Variants in MPP7 observed in about 807,000 individuals in gnomAD.
MPP7 encodes the protein MAGUK p55 scaffold protein 7.
MPP7 carries 60 observed loss-of-function variants against 76.5 expected under a neutral mutation model. That is an observed-to-expected ratio of 0.78 (90% CI 0.64 to 0.97). MPP7 has a LOEUF of 0.97. MPP7 is among the 50% of genes least tolerant of loss of function. MPP7 has a pLI of 0.00. For synonymous variants in MPP7, 237 were observed against 244.5 expected (o/e 0.97, Z 0.29); for missense variants, 641 against 694.0 (o/e 0.92, Z 0.86).
chr10:28,139,822 T>C (rs1224770687), intron 5 of MPP7, among the ~76,000 whole-genome samples: 1 of 152,204 alleles, frequency 6.6e-6, no homozygotes, highest in Non-Finnish European at 1.5e-5. Flanking sequence ...GGACCATATA[T>C]AAATTTTTTA....
intron 11 of MPP7, among the ~76,000 whole-genome samples, chr10:28,096,828 T>C (rs1043212608): frequency 6.6e-6 from 1 of 152,122 alleles, no homozygotes; most frequent in African/African-American, 2.4e-5. Flanking sequence ...GCTGTAACTT[T>C]ATATTTTTCT....
intron 5 of MPP7, among the ~76,000 whole-genome samples, chr10:28,137,419 ACTAT>A (rs1835383847): frequency 6.6e-6 from 1 of 152,228 alleles, no homozygotes; most frequent in Non-Finnish European, 1.5e-5. Context: ...GGGAATATCT[ACTAT>A]CTGTGTATCT....
At chr10:28,262,210 T>C (rs1035172779) in intron 1 of MPP7, among the ~76,000 whole-genome samples, 832 of 8,168 alleles carry the variant, frequency 0.1, 61 homozygotes, top group Non-Finnish European at 0.26. Flanking sequence ...TATATATACA[T>C]ATATATATAT....
chr10:28,159,612 C>A (rs1836189550), intron 3 of MPP7, among the ~76,000 whole-genome samples: 1 of 152,172 alleles, frequency 6.6e-6, no homozygotes, highest in South Asian at 2.1e-4. Flanking sequence ...TCATGCCTCC[C>A]ACAGACTTGC....
chr10:28,314,288 GAAT>G (rs1841306869), intron 2 of MPP7, among the ~76,000 whole-genome samples: 1 of 152,180 alleles, frequency 6.6e-6, no homozygotes, highest in Non-Finnish European at 1.5e-5. Context: ...AGAGTTCACA[GAAT>G]TCTGATTTGT....
At chr10:28,071,374 A>C (rs1852231748) in intron 12 of MPP7, among the ~76,000 whole-genome samples, 1 of 152,142 alleles carries the variant, frequency 6.6e-6, no homozygotes, top group Non-Finnish European at 1.5e-5. Context: ...CTCTAATGCC[A>C]TTTCTAGGTC....
At chr10:28,137,820 A>T (rs1258277672) in intron 5 of MPP7, among the ~76,000 whole-genome samples, 1 of 152,208 alleles carries the variant, frequency 6.6e-6, no homozygotes, top group Non-Finnish European at 1.5e-5. Context: ...GCTCAGAAGA[A>T]TCTGCAGGAA....
At chr10:28,101,132 A>G (rs1305073720) in intron 11 of MPP7, among the ~76,000 whole-genome samples, 1 of 152,158 alleles carries the variant, frequency 6.6e-6, no homozygotes, top group African/African-American at 2.4e-5. Flanking sequence ...TCTGTCAGAA[A>G]AAAATATTTC....
chr10:28,301,778 T>C (rs1195329686), intron 1 of MPP7, among the ~76,000 whole-genome samples: 2 of 152,288 alleles, frequency 1.3e-5, no homozygotes, highest in East Asian at 3.9e-4. Flanking sequence ...ATGGAAATAC[T>C]GTTTTTATAG....
At chr10:28,114,005 C>T (rs1483260561) in intron 11 of MPP7, among the ~76,000 whole-genome samples, 1 of 152,136 alleles carries the variant, frequency 6.6e-6, no homozygotes, top group Non-Finnish European at 1.5e-5. Context: ...CCAGGGAGGG[C>T]CAGCTCCTCT....
At chr10:28,118,260 A>C in intron 11 of MPP7, 1 of 985,182 alleles carries the variant, frequency 1.0e-6, no homozygotes, top group Non-Finnish European at 1.2e-6. Flanking sequence ...ATTAAAAAGC[A>C]AAATATCCCT....
chr10:28,231,076 T>C (rs963742440), intron 2 of MPP7, among the ~76,000 whole-genome samples: 6 of 151,718 alleles, frequency 4.0e-5, no homozygotes, highest in Admixed American at 3.9e-4. Context: ...AAATTAACCA[T>C]ATGTCTAAGC....
intron 3 of MPP7, among the ~76,000 whole-genome samples, chr10:28,193,019 C>A (rs954460916): frequency 1.3e-5 from 2 of 152,134 alleles, no homozygotes; most frequent in East Asian, 3.8e-4. Context: ...AAAGAATGGT[C>A]TTTTCAACAA....
At chr10:28,151,410 T>A (rs1193177480) in intron 3 of MPP7, among the ~76,000 whole-genome samples, 1 of 152,224 alleles carries the variant, frequency 6.6e-6, no homozygotes, top group African/African-American at 2.4e-5. Flanking sequence ...CCAATCATAC[T>A]GAGCTAAATT....
chr10:28,061,885 C>A (rs138958795), intron 13 of MPP7, among the ~76,000 whole-genome samples: 212 of 152,032 alleles, frequency 1.4e-3, no homozygotes, highest in African/African-American at 4.7e-3. Context: ...GAAATAATAT[C>A]TTTAAAGCAC....
At chr10:28,290,290 T>C (rs76156203) in intron 1 of MPP7, among the ~76,000 whole-genome samples, 1 of 149,848 alleles carries the variant, frequency 6.7e-6, no homozygotes, top group Non-Finnish European at 1.5e-5. Flanking sequence ...ACTTTCCTTT[T>C]TTTTTTTTTT....
In MPP7 at chr10:28,147,862, C is replaced by T. The variant is rs151052732; in HGVS notation, c.235-299G>A. On this transcript the variant is annotated intron_variant, in intron 4 of 16. Transcript: ENST00000683449. The stretch of plus-strand genomic sequence containing the variant: ...CTTCGTCCATGTGAATGGTCTTTTG[C>T]ACCTAGACAAAGGACCACTTGTAAG... 6.3e-4 allele frequency among the ~76,000 whole-genome samples: 96 copies of T among 152,244 alleles called. 1 individual carries two copies. The East Asian group carries it at 0.015, about 24-fold the overall frequency.
intron 1 of MPP7, among the ~76,000 whole-genome samples, chr10:28,287,438 T>G (rs1840814520): frequency 6.6e-6 from 1 of 152,234 alleles, no homozygotes. Context: ...AATATAAAGT[T>G]TATTTGCAAT....
intron 3 of MPP7, among the ~76,000 whole-genome samples, chr10:28,150,358 T>A (rs1368465212): frequency 6.6e-6 from 1 of 152,212 alleles, no homozygotes. Context: ...TTCCCCTCAA[T>A]AAGCATGTTA....
Sources: allele counts gnomAD v4.1 joint callset (sites outside exome capture counted in the v4.1 genomes callset), GRCh38; gene constraint gnomAD v4.1.1; transcripts MANE v1.5; gene names NCBI Gene and HGNC (gene_info 2026-07-23, HGNC 2026-07-21).